The following MTCH2 variants were observed in gnomAD, a reference collection of about 807,000 sequenced individuals.
MTCH2 encodes the protein mitochondrial carrier 2.
A neutral mutation model predicts 50.6 loss-of-function variants in MTCH2; 25 were observed. That is an observed-to-expected ratio of 0.49 (90% CI 0.36 to 0.69). The LOEUF is 0.69. MTCH2 is among the 30% of genes least tolerant of loss of function. The pLI is 0.00. For synonymous variants in MTCH2, 106 were observed against 132.0 expected (o/e 0.80, Z 1.35); for missense variants, 273 against 384.4 (o/e 0.71, Z 2.42).
chr11:47,642,351 C>A (rs757095894), intron 1 of MTCH2, 28 bp downstream of exon 1: 3 of 1,565,738 alleles, frequency 1.9e-6, no homozygotes, highest in East Asian at 2.5e-5. Context: ...GGGCGCCGGG[C>A]GGGGTAGGGA....
the MTCH2 span, among the ~76,000 whole-genome samples, chr11:47,611,049 C>T: frequency 6.6e-6 from 1 of 152,222 alleles, no homozygotes; most frequent in Non-Finnish European, 1.5e-5. Flanking sequence ...CCAGGCCTCA[C>T]TGTTGTACAT....
intron 12 of MTCH2, among the ~76,000 whole-genome samples, chr11:47,619,753 C>T (rs1020752872): frequency 6.6e-6 from 1 of 151,980 alleles, no homozygotes. Flanking sequence ...CCAGCCTGCA[C>T]AACATGGCAA....
chr11:47,629,211 G>A (rs970375914), intron 8 of MTCH2, 165 bp from the exon 9 acceptor site: 5 of 594,320 alleles, frequency 8.4e-6, no homozygotes, highest in South Asian at 1.9e-5. Context: ...GTTCATTCTC[G>A]TTAACACAGC....
intron 11 of MTCH2, among the ~76,000 whole-genome samples, chr11:47,625,395 C>T (rs1433385472): frequency 2.7e-5 from 4 of 147,664 alleles, no homozygotes; most frequent in African/African-American, 1.0e-4. Flanking sequence ...TGCACTCCAG[C>T]CTGGGCAACA....
intron 3 of MTCH2, 91 bp downstream of exon 3, chr11:47,638,608 G>A (rs2097311049): frequency 6.9e-6 from 4 of 578,442 alleles, no homozygotes; most frequent in African/African-American, 2.6e-5. Context: ...GGTTATAAAT[G>A]TATCTTTTAA....
chr11:47,631,317 G>C (rs1327264608), intron 6 of MTCH2, among the ~76,000 whole-genome samples: 2 of 152,142 alleles, frequency 1.3e-5, no homozygotes, highest in African/African-American at 2.4e-5. Flanking sequence ...GCTGAGACAG[G>C]AGTACTGCTT....
chr11:47,625,721 G>C lies in MTCH2; in HGVS notation c.702C>G (p.Thr234=). Residue 234 remains threonine, a synonymous_variant, in exon 11 of 13, where the codon ACC becomes ACG. Transcript: ENST00000302503. The part of the protein sequence containing the change: ...AVTGFFASML[T]YPFVLVSNLM... ...GATTGGAGACAAGCACAAAGGGATA[G>C]GTCAACATACTCGCAAAAAACTGTA... The C allele has an allele frequency of 6.2e-7, 1 of 1,613,290 alleles. No homozygotes were observed. The highest frequency in any genetic ancestry group is 1.3e-5 in the African/African-American group (1 of 75,048).
chr11:47,612,951 T>A (rs1306300146), downstream of MTCH2, among the ~76,000 whole-genome samples: 1 of 152,130 alleles, frequency 6.6e-6, no homozygotes, highest in East Asian at 1.9e-4. Flanking sequence ...TCACCCAGGC[T>A]GGAGTGCAGT....
In MTCH2 at chr11:47,642,510, C is replaced by A; in HGVS notation, c.-45G>T. 6.6e-7 allele frequency: 1 copy of A among 1,518,316 alleles called. No individual in the cohort carries two copies. Among genetic ancestry groups the A allele is most frequent in the Non-Finnish European group, 8.9e-7 (1 of 1,129,680 alleles). The allele number at this position is 1,518,316 out of a possible 1,614,324, so 94.1% of individuals were successfully genotyped here. A position where few individuals can be genotyped will look rare whatever the true frequency, so the allele number is the denominator to read the frequency against. On this transcript the variant is annotated 5_prime_UTR_variant, in exon 1 of 13. Transcript: ENST00000302503. ...CGGACAGACAGACGGAGCCACCAAG[C>A]GACCCGGTGAGCCGGTCCTAGGTCA...
At chr11:47,610,043 C>T in the MTCH2 span, among the ~76,000 whole-genome samples, 1 of 152,142 alleles carries the variant, frequency 6.6e-6, no homozygotes, top group Non-Finnish European at 1.5e-5. Context: ...GTGCAAGTAC[C>T]ACCACAGGCT....
chr11:47,639,817 C>T (rs967102715), intron 1 of MTCH2, among the ~76,000 whole-genome samples: 6 of 151,360 alleles, frequency 4.0e-5, no homozygotes, highest in African/African-American at 7.3e-5. Flanking sequence ...CAGCCGAGGC[C>T]GACAACAGCG....
At chr11:47,607,913 C>T in the MTCH2 span, among the ~76,000 whole-genome samples, 1 of 152,154 alleles carries the variant, frequency 6.6e-6, no homozygotes, top group Admixed American at 6.5e-5. Flanking sequence ...ATAATAAAAC[C>T]ACGAGTTCCC....
At chr11:47,612,381 C>T (rs1389029626), downstream of MTCH2, among the ~76,000 whole-genome samples, 1 of 152,084 alleles carries the variant, frequency 6.6e-6, no homozygotes, top group Non-Finnish European at 1.5e-5. Context: ...TCCTGGCTAA[C>T]ACAGTGAAAC....
chr11:47,634,828 A>G, intron 4 of MTCH2, 94 bp from the exon 5 acceptor site: 1 of 806,972 alleles, frequency 1.2e-6, no homozygotes, highest in South Asian at 1.7e-5. Context: ...GCTGGAGTGC[A>G]GTGGCACAAT....
chr11:47,624,382 T>C (rs1018690958), intron 11 of MTCH2, among the ~76,000 whole-genome samples: 1 of 152,144 alleles, frequency 6.6e-6, no homozygotes, highest in African/African-American at 2.4e-5. Context: ...ATAGACTAAA[T>C]ATCCTAATTC....
At chr11:47,629,154 G>T in intron 8 of MTCH2, 108 bp from the exon 9 acceptor site, 1 of 956,012 alleles carries the variant, frequency 1.0e-6, no homozygotes, top group Non-Finnish European at 1.6e-6. Flanking sequence ...AAACATTCTA[G>T]GGAAGTAAAA....
chr11:47,638,562 A>G (rs905625942), intron 3 of MTCH2, 137 bp downstream of exon 3: 1 of 653,928 alleles, frequency 1.5e-6, no homozygotes, highest in Non-Finnish European at 2.5e-6. Flanking sequence ...AAAAAAAAAA[A>G]AAAAGAAAGT....
At chr11:47,640,580 T>C (rs10769283) in intron 1 of MTCH2, among the ~76,000 whole-genome samples, 149,384 of 151,818 alleles carry the variant, frequency 0.98, 73,524 homozygotes, top group East Asian at 1. Context: ...CACACCCAGC[T>C]AATTTTTGTA....
intron 11 of MTCH2, among the ~76,000 whole-genome samples, chr11:47,623,303 C>T (rs1011496342): frequency 6.9e-6 from 1 of 144,012 alleles, no homozygotes; most frequent in Non-Finnish European, 1.5e-5. Flanking sequence ...ACCCAGGAGG[C>T]GGAAGTTGCA....
Sources: gnomAD v4.1 joint callset for allele counts (sites outside exome capture counted in the v4.1 genomes callset) on GRCh38, gnomAD v4.1.1 for gene constraint, MANE v1.5 for transcripts, NCBI Gene and HGNC (gene_info 2026-07-23, HGNC 2026-07-21) for gene names.